ATF7IP2: variants seen among roughly 807,000 people sequenced by gnomAD.
The protein encoded by ATF7IP2 is activating transcription factor 7 interacting protein 2, also known as activating transcription factor 7-interacting protein 2.
In ATF7IP2, 42 loss-of-function variants were observed where a neutral mutation model predicts 64.2. The ratio of observed to expected loss-of-function variants is 0.65; its 90% CI spans 0.51 to 0.85. The LOEUF is 0.85. Among genes scored for constraint, ATF7IP2 ranks in the 40% least tolerant of loss-of-function variants. The pLI, the probability that ATF7IP2 is intolerant of heterozygous loss-of-function variation, is 0.00. For synonymous variants in ATF7IP2, 308 were observed against 272.8 expected, an observed-to-expected ratio of 1.13 and a Z score of -1.27; for missense variants, 933 against 784.2, an observed-to-expected ratio of 1.19 and a Z score of -2.27.
chr16:10,396,576 G>C (rs1474629607), intron 1 of ATF7IP2, among the ~76,000 whole-genome samples: 2 of 151,998 alleles, frequency 1.3e-5, no homozygotes, highest in African/African-American at 2.4e-5. Context: ...AGGCTGGAGT[G>C]CAGTGGCATG....
At position 10,424,755 on chromosome 16, in the gene ATF7IP2, C is replaced by T. The variant is rs577081282; in HGVS notation, c.-159-4113C>T. Among the ~76,000 whole-genome samples, 8 of 152,242 alleles carry T rather than the reference C, an allele frequency of 5.3e-5. 1 individual carries two copies. The South Asian group carries it at 1.0e-3, about 20-fold the overall frequency. On this transcript the variant is annotated intron_variant, in intron 3 of 13. Transcript: ENST00000562102. ...TGAAAAGATTCTCAACATCATTAGC[C>T]GTCAGGTAAATACAAATCAAAATGG...
intron 3 of ATF7IP2, among the ~76,000 whole-genome samples, chr16:10,421,587 C>T (rs190148831): frequency 1.0e-3 from 152 of 152,168 alleles, no homozygotes; most frequent in African/African-American, 3.6e-3. Flanking sequence ...ACTAAGGTCC[C>T]CAAGTAGGAG....
chr16:10,478,042 T>C (rs1183474708), intron 12 of ATF7IP2, among the ~76,000 whole-genome samples: 1 of 150,926 alleles, frequency 6.6e-6, no homozygotes, highest in Non-Finnish European at 1.5e-5. Flanking sequence ...TGCTCATGGG[T>C]AGGAAGAATC....
intron 4 of ATF7IP2, among the ~76,000 whole-genome samples, chr16:10,429,961 T>C (rs57394508): frequency 0.15 from 22,945 of 151,722 alleles, 1,924 homozygotes; most frequent in African/African-American, 0.22. Flanking sequence ...CGAGTGATTC[T>C]TGTGCTTCAG....
chr16:10,430,708 A>G lies in ATF7IP2; in HGVS notation c.88A>G (p.Asn30Asp). Reference sequence around the variant, plus strand: ...TTGCCGGAAGCAAGTAGAGATGCTGAATAAGTCAAGGAATGTTGAAGCGCT... The same window carrying G: ...TTGCCGGAAGCAAGTAGAGATGCTGGATAAGTCAAGGAATGTTGAAGCGCT... ...LSCRKQVEML[N>D]KSRNVEALKT... is the part of the protein sequence containing the mutation. The change falls in exon 5 of 14, where the codon AAT becomes GAT. Residue 30 changes from asparagine to aspartate, a missense_variant. By Grantham distance (23) the Asn-to-Asp change is conservative. Coordinates refer to ENST00000562102, the MANE Select transcript of ATF7IP2 (RefSeq NM_001393719.1). The G allele has an allele frequency of 6.2e-7, 1 of 1,614,172 alleles. No individual in the cohort carries two copies. Among genetic ancestry groups the G allele is most frequent in the East Asian group, 2.2e-5 (1 of 44,868 alleles).
At chr16:10,479,658 TAAA>T (rs540503599) in intron 12 of ATF7IP2, among the ~76,000 whole-genome samples, 2 of 142,396 alleles carry the variant, frequency 1.4e-5, no homozygotes, top group South Asian at 2.2e-4. Context: ...TAATAATAAT[TAAA>T]AAAAAAAAGT....
At chr16:10,418,028 G>C (rs1174156868) in intron 2 of ATF7IP2, among the ~76,000 whole-genome samples, 2 of 152,200 alleles carry the variant, frequency 1.3e-5, no homozygotes, top group African/African-American at 4.8e-5. Flanking sequence ...TGCGGAGTGG[G>C]AATCAGGGGG....
chr16:10,432,064 C>T (rs2048277634), intron 5 of ATF7IP2, among the ~76,000 whole-genome samples: 1 of 147,170 alleles, frequency 6.8e-6, no homozygotes, highest in Non-Finnish European at 1.5e-5. Flanking sequence ...GTCTCGAACT[C>T]CTGACCTCGT....
chr16:10,471,798 C>T (rs2049809688), intron 9 of ATF7IP2: 1 of 175,202 alleles, frequency 5.7e-6, no homozygotes, highest in African/African-American at 2.4e-5. Context: ...TATATACGCT[C>T]AAAGGAATTT....
chr16:10,439,781 G>A (rs1270309505), intron 7 of ATF7IP2, among the ~76,000 whole-genome samples: 1 of 151,180 alleles, frequency 6.6e-6, no homozygotes, highest in Non-Finnish European at 1.5e-5. Context: ...TGATCTGCCC[G>A]CCTCGGCTTC....
Position 10,430,737 on chromosome 16 carries a change from A to G in ATF7IP2, c.117A>G (p.Lys39=), listed in dbSNP as rs1175815007. The G allele has an allele frequency of 6.2e-6, 10 of 1,614,138 alleles. No individual in the cohort carries two copies. Among genetic ancestry groups the G allele is most frequent in the Admixed American group, 1.7e-5 (1 of 60,026 alleles). Residue 39 remains lysine, a synonymous_variant, in exon 5 of 14, where the codon AAA becomes AAG. Transcript: ENST00000562102. ...AGTCAAGGAATGTTGAAGCGCTGAA[A>G]ACAGCAATTGGGAGTAATGTTCCAA... The part of the protein sequence containing the change: ...LNKSRNVEAL[K]TAIGSNVPSG...
intron 12 of ATF7IP2, among the ~76,000 whole-genome samples, chr16:10,476,105 T>A (rs2142089771): frequency 6.6e-6 from 1 of 152,350 alleles, no homozygotes; most frequent in East Asian, 1.9e-4. Context: ...GCTAAAAATG[T>A]AAAGGTTGTT....
chr16:10,470,125 A>G (rs1246612263), intron 9 of ATF7IP2, among the ~76,000 whole-genome samples: 1 of 152,158 alleles, frequency 6.6e-6, no homozygotes, highest in Non-Finnish European at 1.5e-5. Context: ...ATGTTGGCAA[A>G]TAGAAAATAT....
chr16:10,435,393 A>G (rs961416881), intron 6 of ATF7IP2, among the ~76,000 whole-genome samples: 2 of 152,218 alleles, frequency 1.3e-5, no homozygotes, highest in East Asian at 1.9e-4. Flanking sequence ...CAGATTGGAG[A>G]TAAGTTTGTA....
At chr16:10,471,893 A>C (rs1238721015) in intron 9 of ATF7IP2, 2 of 353,072 alleles carry the variant, frequency 5.7e-6, no homozygotes, top group East Asian at 9.5e-5. Context: ...GTAGGGATCT[A>C]ATTATTGGAT....
At chr16:10,418,670 G>C (rs1477607024) in intron 2 of ATF7IP2, among the ~76,000 whole-genome samples, 1 of 152,198 alleles carries the variant, frequency 6.6e-6, no homozygotes, top group Non-Finnish European at 1.5e-5. Flanking sequence ...TGCCTGGGAT[G>C]CTTTAAATAT....
At chr16:10,421,809 G>A (rs1036368246) in intron 3 of ATF7IP2, among the ~76,000 whole-genome samples, 2 of 152,238 alleles carry the variant, frequency 1.3e-5, no homozygotes, top group African/African-American at 4.8e-5. Flanking sequence ...TTGTTGGACT[G>A]TTTAGCATGC....
At chr16:10,420,912 T>C (rs2047977470) in intron 3 of ATF7IP2, among the ~76,000 whole-genome samples, 1 of 152,218 alleles carries the variant, frequency 6.6e-6, no homozygotes, top group Admixed American at 6.5e-5. Flanking sequence ...TAGACCCACC[T>C]GTGAAGACAT....
rs759162838 is a variant in ATF7IP2, at chr16:10,482,302, A to G, written c.*53A>G. 6 of 1,347,844 alleles carry G rather than the reference A, an allele frequency of 4.5e-6. No individual in the cohort carries two copies. The highest frequency in any genetic ancestry group is 1.4e-5 in the South Asian group (1 of 70,140). 83.5% of individuals were successfully genotyped at this position (1,347,844 alleles called of 1,614,324 possible). ...TTTTTTTCATATTTGTTTGTTTGCA[A>G]TGTTACTGTAATACTATTTGCCATT... On this transcript the variant is annotated 3_prime_UTR_variant, in exon 14 of 14. Coordinates refer to ENST00000562102, the MANE Select transcript of ATF7IP2 (RefSeq NM_001393719.1).
Sources: allele counts gnomAD v4.1 joint callset (sites outside exome capture counted in the v4.1 genomes callset), GRCh38; gene constraint gnomAD v4.1.1; transcripts MANE v1.5; gene names NCBI Gene and HGNC (gene_info 2026-07-23, HGNC 2026-07-21).